Variants in PPIH observed in about 807,000 individuals in gnomAD.
PPIH encodes peptidylprolyl isomerase H.
A neutral mutation model predicts 27.6 loss-of-function variants in PPIH; 16 were observed. The observed-to-expected ratio is 0.58, with a 90% CI of 0.39 to 0.88. PPIH has a LOEUF of 0.88. Ranked by LOEUF, PPIH falls within the 40% of genes least tolerant of loss-of-function variation. The pLI is 0.00. For synonymous variants in PPIH, 63 were observed against 76.1 expected, an observed-to-expected ratio of 0.83 and a Z score of 0.90; for missense variants, 155 against 224.1, an observed-to-expected ratio of 0.69 and a Z score of 1.97.
At chr1:42,660,738 T>G (rs1648963260) in intron 4 of PPIH, 124 bp from the exon 5 acceptor site, 1 of 891,826 alleles carries the variant, frequency 1.1e-6, no homozygotes, top group African/African-American at 1.7e-5. Context: ...CTAAGAGTAA[T>G]GATTTTATAA....
At chr1:42,677,167 A>T (rs1338006756), downstream of PPIH, among the ~76,000 whole-genome samples, 1 of 152,188 alleles carries the variant, frequency 6.6e-6, no homozygotes, top group Non-Finnish European at 1.5e-5. Context: ...AACAGCAACA[A>T]TACCTTAGAA....
intron 9 of PPIH, among the ~76,000 whole-genome samples, chr1:42,670,223 C>T (rs1327395538): frequency 2.6e-5 from 4 of 152,134 alleles, no homozygotes; most frequent in African/African-American, 9.7e-5. Flanking sequence ...CTGAGCTTTC[C>T]TTTCTGCCAA....
intron 9 of PPIH, among the ~76,000 whole-genome samples, chr1:42,671,387 C>T (rs1231587048): frequency 2.0e-5 from 3 of 152,098 alleles, no homozygotes; most frequent in African/African-American, 7.2e-5. Flanking sequence ...AAGATTGTGC[C>T]ATTGCACTCT....
At chr1:42,663,182 G>A (rs184643970) in intron 5 of PPIH, among the ~76,000 whole-genome samples, 2 of 152,256 alleles carry the variant, frequency 1.3e-5, no homozygotes, top group East Asian at 1.9e-4. Flanking sequence ...GTATTAATAT[G>A]TATGTGTAGT....
intron 5 of PPIH, among the ~76,000 whole-genome samples, chr1:42,663,546 A>AC (rs1410944639): frequency 3.9e-5 from 6 of 151,906 alleles, no homozygotes; most frequent in African/African-American, 1.5e-4. Flanking sequence ...GATTACAGGT[A>AC]CCACCACCAC....
In PPIH at chr1:42,666,594, A is replaced by G. The variant is rs1649350962; in HGVS notation, c.465+7A>G. ...AGTGATGAGAAAGATTGAGGTAAGT[A>G]CTGCTTTGATTTTTCTGTTTCTCTG... On this transcript the variant is annotated splice_region_variant and intron_variant, in intron 8 of 9. Coordinates refer to ENST00000304979, the MANE Select transcript of PPIH (RefSeq NM_006347.4). 1.9e-6 allele frequency: 3 copies of G among 1,613,254 alleles called. No individual in the cohort carries two copies. Among genetic ancestry groups the G allele is most frequent in the Admixed American group, 1.7e-5 (1 of 59,990 alleles).
intron 9 of PPIH, among the ~76,000 whole-genome samples, chr1:42,672,232 G>A (rs986219688): frequency 6.6e-6 from 1 of 152,148 alleles, no homozygotes; most frequent in Non-Finnish European, 1.5e-5. Context: ...CAGGAGATTT[G>A]TTATAAAATA....
downstream of PPIH, among the ~76,000 whole-genome samples, chr1:42,679,607 A>G (rs141912059): frequency 2.0e-5 from 3 of 152,362 alleles, no homozygotes; most frequent in East Asian, 5.8e-4. Flanking sequence ...ATGTTACACA[A>G]TTTGTATTTT....
chr1:42,673,610 T>C (rs1649749980), intron 9 of PPIH, among the ~76,000 whole-genome samples: 1 of 152,222 alleles, frequency 6.6e-6, no homozygotes, highest in African/African-American at 2.4e-5. Flanking sequence ...CCCTGGAGTA[T>C]TTGATTGAGT....
rs768003546 is a variant in PPIH, at chr1:42,658,880, G to A, written c.103G>A (p.Val35Ile). Residue 35 changes from valine (V) to isoleucine (I), a missense_variant, in exon 2 of 10, where the codon GTT becomes ATT. Coordinates refer to ENST00000304979, the MANE Select transcript of PPIH (RefSeq NM_006347.4). The stretch of plus-strand genomic sequence containing the variant: ...CATGAAGATCGAGCTCTTTGCAGAC[G>A]TTGTGCCTAAGACGGCCGAGAACTT... ...GRMKIELFAD[V>I]VPKTAENFRQ... 2 of 1,614,254 alleles carry A rather than the reference G, an allele frequency of 1.2e-6. No homozygotes were observed. Among genetic ancestry groups the A allele is most frequent in the South Asian group, 1.1e-5 (1 of 91,088 alleles).
At chr1:42,661,441 C>T (rs1404909271) in intron 5 of PPIH, among the ~76,000 whole-genome samples, 1 of 152,034 alleles carries the variant, frequency 6.6e-6, no homozygotes, top group Non-Finnish European at 1.5e-5. Flanking sequence ...CTGAGAGAGC[C>T]CAGTGAAATA....
downstream of PPIH, chr1:42,681,428 T>A (rs935024444): frequency 1.3e-5 from 2 of 152,102 alleles, no homozygotes; most frequent in African/African-American, 4.8e-5. Context: ...TCTGCCTCCA[T>A]CAGAAGGCAG....
intron 9 of PPIH, among the ~76,000 whole-genome samples, chr1:42,667,721 A>G (rs1052996196): frequency 3.3e-5 from 5 of 152,226 alleles, no homozygotes; most frequent in Admixed American, 6.5e-5. Context: ...ATCAATGTGA[A>G]AACTACTCAG....
chr1:42,671,659 T>C (rs576113017), intron 9 of PPIH, among the ~76,000 whole-genome samples: 2 of 152,318 alleles, frequency 1.3e-5, no homozygotes, highest in South Asian at 4.1e-4. Context: ...ACTTGAATTA[T>C]CGCATTTCAC....
chr1:42,672,559 C>T (rs2148725267), intron 9 of PPIH, among the ~76,000 whole-genome samples: 1 of 152,310 alleles, frequency 6.6e-6, no homozygotes, highest in South Asian at 2.1e-4. Flanking sequence ...ATCAATTCTA[C>T]CTCCCTATGG....
At chr1:42,680,440 T>C (rs1424584627), downstream of PPIH, among the ~76,000 whole-genome samples, 1 of 152,144 alleles carries the variant, frequency 6.6e-6, no homozygotes, top group East Asian at 1.9e-4. Context: ...ACCTGGAAGG[T>C]TGGACAGGGA....
intron 8 of PPIH, 48 bp from the exon 9 acceptor site, chr1:42,667,303 C>T (rs1264768931): frequency 5.3e-6 from 8 of 1,511,372 alleles, no homozygotes; most frequent in Middle Eastern, 1.7e-4. Flanking sequence ...GATAAGGGAA[C>T]GAGGAAGTGC....
intron 8 of PPIH, 129 bp from the exon 9 acceptor site, chr1:42,667,222 T>C: frequency 2.7e-6 from 2 of 731,768 alleles, no homozygotes; most frequent in Non-Finnish European, 4.7e-6. Context: ...GCTTTACCTG[T>C]CTGCCAGGAC....
chr1:42,674,109 C>G (rs1469991239), intron 9 of PPIH, among the ~76,000 whole-genome samples: 1 of 152,220 alleles, frequency 6.6e-6, no homozygotes, highest in African/African-American at 2.4e-5. Context: ...CTTCAAGGAA[C>G]TCAGTCTCTT....
Sources: allele counts gnomAD v4.1 joint callset (sites outside exome capture counted in the v4.1 genomes callset), GRCh38; gene constraint gnomAD v4.1.1; transcripts MANE v1.5; gene names NCBI Gene and HGNC (gene_info 2026-07-23, HGNC 2026-07-21).